CR1L: variants seen among roughly 807,000 people sequenced by gnomAD.
The protein encoded by CR1L is complement C3b/C4b receptor 1 like, also known as complement component receptor 1-like protein.
In CR1L, 59 loss-of-function variants were observed where a neutral mutation model predicts 62.3. That is an observed-to-expected ratio of 0.95 (90% CI 0.77 to 1.18). CR1L has a LOEUF of 1.18. Among genes scored for constraint, CR1L ranks in the 50% most tolerant of loss-of-function variants. The pLI, the probability that CR1L is intolerant of heterozygous loss-of-function variation, is 0.00. For synonymous variants in CR1L, 279 were observed against 248.7 expected, an observed-to-expected ratio of 1.12 and a Z score of -1.15; for missense variants, 700 against 702.8, an observed-to-expected ratio of 1.00 and a Z score of 0.04.
rs74679114 is a variant in CR1L, at chr1:207,654,286, G to A, written c.97+8956G>A. Among the ~76,000 whole-genome samples, 379 of 152,276 alleles carry A rather than the reference G, an allele frequency of 2.5e-3. 3 individuals are homozygous for A. The highest frequency in any genetic ancestry group is 8.7e-3 in the African/African-American group (363 of 41,552). ...TGACCATGTAAGGCAGTTTCACTAA[G>A]AGTTTTTAAAATTTGGTCAAGTAGA... is the stretch of plus-strand genomic sequence containing the variant. On this transcript the variant is annotated intron_variant, in intron 1 of 11. Transcript: ENST00000508064.
chr1:207,712,653 T>C (rs757852258), intron 10 of CR1L, among the ~76,000 whole-genome samples: 10 of 152,238 alleles, frequency 6.6e-5, no homozygotes, highest in Non-Finnish European at 1.2e-4. Flanking sequence ...GCTGCGTCTC[T>C]GCACTGCATG....
chr1:207,701,700 A>C, intron 9 of CR1L, 82 bp downstream of exon 9: 1 of 1,573,432 alleles, frequency 6.4e-7, no homozygotes, highest in Non-Finnish European at 8.7e-7. Flanking sequence ...GAAGGAAACT[A>C]GGCTGTTGCC....
chr1:207,655,347 C>G, intron 1 of CR1L: 2 of 397,962 alleles, frequency 5.0e-6, no homozygotes, highest in Non-Finnish European at 9.4e-6. Context: ...CTCAGGGCAC[C>G]TTTTACATTT....
intron 7 of CR1L, 28 bp from the exon 8 acceptor site, chr1:207,699,161 C>T (rs1664153696): frequency 5.0e-6 from 8 of 1,612,976 alleles, no homozygotes; most frequent in East Asian, 4.5e-5. Context: ...TGAAACAGCT[C>T]GCTATTCACT....
At chr1:207,680,926 T>C (rs1663785206) in intron 3 of CR1L, among the ~76,000 whole-genome samples, 1 of 152,240 alleles carries the variant, frequency 6.6e-6, no homozygotes, top group South Asian at 2.1e-4. Flanking sequence ...TCTGCCTATG[T>C]AAGTGATACC....
At chr1:207,715,733 G>A (rs931734632) in intron 10 of CR1L, among the ~76,000 whole-genome samples, 1 of 151,812 alleles carries the variant, frequency 6.6e-6, no homozygotes, top group Non-Finnish European at 1.5e-5. Context: ...TTTTGAGACA[G>A]TTACCCAGGA....
chr1:207,678,833 A>T (rs796892157), intron 3 of CR1L, among the ~76,000 whole-genome samples: 20 of 152,204 alleles, frequency 1.3e-4, no homozygotes, highest in African/African-American at 4.8e-4. Flanking sequence ...ACCTGTAGGG[A>T]TGGATCCTTC....
intron 9 of CR1L, among the ~76,000 whole-genome samples, chr1:207,707,942 A>G (rs1664294820): frequency 1.3e-5 from 2 of 152,238 alleles, no homozygotes; most frequent in South Asian, 4.1e-4. Flanking sequence ...GGTACAGTCC[A>G]CAATGAAGTC....
At chr1:207,722,643 T>C (rs1654163817) in intron 11 of CR1L, among the ~76,000 whole-genome samples, 1 of 152,224 alleles carries the variant, frequency 6.6e-6, no homozygotes, top group Non-Finnish European at 1.5e-5. Flanking sequence ...GTACCCTTTT[T>C]TTAAATTGTC....
At chr1:207,680,628 A>G (rs1344959594) in intron 3 of CR1L, among the ~76,000 whole-genome samples, 3 of 152,212 alleles carry the variant, frequency 2.0e-5, no homozygotes, top group Non-Finnish European at 4.4e-5. Context: ...AATCATTCGA[A>G]CTTAAAACAA....
chr1:207,699,272 A>G lies in CR1L; in HGVS notation c.1226A>G (p.Glu409Gly). The change falls in exon 8 of 12, where the codon GAA (glutamate) becomes GGA (glycine). Residue 409 changes from glutamate to glycine, a missense_variant and splice_region_variant. Coordinates refer to ENST00000508064, the MANE Select transcript of CR1L (RefSeq NM_175710.2). ...SLWNSSVPVCERKSCETPPVP... is the reference protein window; with the variant it reads ...SLWNSSVPVCGRKSCETPPVP... ...TGGAATAGCAGTGTTCCAGTGTGTG[A>G]ACGTAAGTAATAGGAGTAACATTTC... The G allele has an allele frequency of 6.2e-7, 1 of 1,613,708 alleles. No homozygotes were observed. Among genetic ancestry groups the G allele is most frequent in the Non-Finnish European group, 8.5e-7 (1 of 1,179,634 alleles).
intron 1 of CR1L, among the ~76,000 whole-genome samples, chr1:207,676,352 T>G (rs1394969099): frequency 1.3e-5 from 2 of 152,188 alleles, no homozygotes; most frequent in Non-Finnish European, 2.9e-5. Flanking sequence ...TGTTAGGAAC[T>G]GAGCAGAACA....
In CR1L at chr1:207,683,894, T is replaced by C. The variant is rs1188558389; in HGVS notation, c.400T>C (p.Ser134Pro). 1 of 1,613,394 alleles carries C rather than the reference T, an allele frequency of 6.2e-7. No homozygotes were observed. The highest frequency in any genetic ancestry group is 1.3e-5 in the African/African-American group (1 of 74,920). ...TAGATACCGACTCATTGGTTCCTCG[T>C]CTGCCACATGCATCATCTCAGGCAA... Reference protein sequence around the residue: ...PKGYRLIGSSSATCIISGNTV... With the variant: ...PKGYRLIGSSPATCIISGNTV... Residue 134 changes from serine (S) to proline (P), a missense_variant, in exon 4 of 12, where the codon TCT becomes CCT. By Grantham distance (74) the Ser-to-Pro change is moderately conservative (BLOSUM62 -1). Transcript: ENST00000508064.
intron 9 of CR1L, among the ~76,000 whole-genome samples, chr1:207,706,602 G>A (rs1254376299): frequency 3.9e-5 from 6 of 151,972 alleles, no homozygotes; most frequent in Admixed American, 2.0e-4. Context: ...TGTAATACCC[G>A]CAAAAGAAAT....
chr1:207,648,429 G>T (rs552850221), intron 1 of CR1L, among the ~76,000 whole-genome samples: 1 of 152,152 alleles, frequency 6.6e-6, no homozygotes. Flanking sequence ...GAGAACTCAC[G>T]ATGCTAGGCA....
chr1:207,683,933 GATA>G lies in CR1L; in HGVS notation c.444_446del (p.Asn148del). On this transcript the variant is annotated inframe_deletion, in exon 4 of 12. Coordinates refer to ENST00000508064, the MANE Select transcript of CR1L (RefSeq NM_175710.2). ...CATCTCAGGCAACACTGTCATTTGG[GATA>G]ATAAAACACCTGTTTGTGACAGTGA... 1 of 1,613,214 alleles carries G rather than the reference GATA, an allele frequency of 6.2e-7. No individual in the cohort carries two copies. The highest frequency in any genetic ancestry group is 8.5e-7 in the Non-Finnish European group (1 of 1,179,448).
chr1:207,678,052 G>C (rs1354005011), intron 2 of CR1L, 146 bp from the exon 3 acceptor site: 1 of 695,252 alleles, frequency 1.4e-6, no homozygotes, highest in African/African-American at 1.8e-5. Flanking sequence ...AGGCAGTCTG[G>C]TGAGTTTCCT....
In CR1L at chr1:207,645,284, T is replaced by G. The variant is rs199980076; in HGVS notation, c.51T>G (p.Pro17=). The part of the protein sequence containing the change: ...LERPFPSRRF[P]GLLLAALVLL... Reference sequence around the variant, plus strand: ...GTCCCTTTCCTTCCCGGCGCTTTCCTGGGTTGCTTCTGGCGGCCCTGGTGT... The same window carrying G: ...GTCCCTTTCCTTCCCGGCGCTTTCCGGGGTTGCTTCTGGCGGCCCTGGTGT... The change falls in exon 1 of 12, where the codon CCT becomes CCG. Residue 17 remains proline (P), a synonymous_variant. Transcript: ENST00000508064. The G allele has an allele frequency of 6.2e-7, 1 of 1,613,942 alleles. No individual in the cohort carries two copies. Among genetic ancestry groups the G allele is most frequent in the Non-Finnish European group, 8.5e-7 (1 of 1,180,014 alleles).
In CR1L at chr1:207,708,921, G is replaced by A. The variant is rs1289369886; in HGVS notation, c.1414+658G>A. 44 of 370,808 alleles carry A rather than the reference G, an allele frequency of 1.2e-4. No homozygotes were observed. The Admixed American group carries it at 1.2e-3, about 10-fold the overall frequency. The allele number at this position is 370,808 out of a possible 1,614,324, so 23.0% of individuals were successfully genotyped here. A position where few individuals can be genotyped will look rare whatever the true frequency, so the allele number is the denominator to read the frequency against. ...CTGCCCTACAGTAGAGTAGGACACAGTATTCAGTTCTTCCAAGATCAGATG... is the reference window on the plus strand; with the variant it reads ...CTGCCCTACAGTAGAGTAGGACACAATATTCAGTTCTTCCAAGATCAGATG... On this transcript the variant is annotated intron_variant, in intron 10 of 11. Transcript: ENST00000508064.
Sources: gnomAD v4.1 joint callset for allele counts (sites outside exome capture counted in the v4.1 genomes callset) on GRCh38, gnomAD v4.1.1 for gene constraint, MANE v1.5 for transcripts, NCBI Gene and HGNC (gene_info 2026-07-23, HGNC 2026-07-21) for gene names.